The following ASTN2 variants were observed in gnomAD, a reference collection of about 807,000 sequenced individuals.
ASTN2 encodes the protein astrotactin 2.
A neutral mutation model predicts 139.8 loss-of-function variants in ASTN2; 54 were observed. That is an observed-to-expected ratio of 0.39 (90% CI 0.31 to 0.48). The LOEUF (loss-of-function observed/expected upper bound fraction) is 0.48. ASTN2 is among the 20% of genes least tolerant of loss of function. ASTN2 has a pLI of 0.95. For synonymous variants in ASTN2, 756 were observed against 719.5 expected, an observed-to-expected ratio of 1.05 and a Z score of -0.81; for missense variants, 1,565 against 1,725.1, an observed-to-expected ratio of 0.91 and a Z score of 1.64.
intron 10 of ASTN2, among the ~76,000 whole-genome samples, chr9:116,903,807 G>A (rs925116227): frequency 2.0e-5 from 3 of 152,124 alleles, no homozygotes; most frequent in South Asian, 4.1e-4. Flanking sequence ...AAGGAAAGAG[G>A]TCCAAAAAGG....
At chr9:116,441,860 T>C (rs1193590505) in intron 21 of ASTN2, among the ~76,000 whole-genome samples, 1 of 152,260 alleles carries the variant, frequency 6.6e-6, no homozygotes, top group Non-Finnish European at 1.5e-5. Context: ...TGACTGATTA[T>C]ATTTTTTCAG....
At chr9:116,762,187 ATTACT>A (rs1829689004) in intron 13 of ASTN2, among the ~76,000 whole-genome samples, 1 of 152,232 alleles carries the variant, frequency 6.6e-6, no homozygotes, top group African/African-American at 2.4e-5. Flanking sequence ...GGCTCTAATC[ATTACT>A]TTACTCTTTC....
At chr9:117,380,235 G>A (rs1353029985) in intron 1 of ASTN2, among the ~76,000 whole-genome samples, 3 of 152,176 alleles carry the variant, frequency 2.0e-5, no homozygotes, top group South Asian at 2.1e-4. Flanking sequence ...CATAGTAATC[G>A]AGCATCATAA....
At chr9:116,883,384 C>A (rs750706599) in intron 10 of ASTN2, among the ~76,000 whole-genome samples, 1 of 152,138 alleles carries the variant, frequency 6.6e-6, no homozygotes, top group Non-Finnish European at 1.5e-5. Context: ...GTGGAGACAG[C>A]AGTGAGACTA....
At chr9:116,427,149 G>T (rs1186540463) in intron 22 of ASTN2, among the ~76,000 whole-genome samples, 2 of 152,114 alleles carry the variant, frequency 1.3e-5, no homozygotes, top group Non-Finnish European at 2.9e-5. Context: ...ATTCTGGGCT[G>T]TATATTTTTT....
At chr9:116,875,483 G>A (rs1258413360) in intron 10 of ASTN2, among the ~76,000 whole-genome samples, 1 of 152,162 alleles carries the variant, frequency 6.6e-6, no homozygotes, top group Non-Finnish European at 1.5e-5. Flanking sequence ...AAAAGTGCAA[G>A]GAGAAGCAGC....
At chr9:116,934,932 G>A (rs1835024527) in intron 10 of ASTN2, among the ~76,000 whole-genome samples, 1 of 152,152 alleles carries the variant, frequency 6.6e-6, no homozygotes, top group Admixed American at 6.6e-5. Context: ...AGGTTGTTAC[G>A]TGTGTACATC....
intron 10 of ASTN2, among the ~76,000 whole-genome samples, chr9:116,900,468 T>C (rs1485157192): frequency 6.6e-6 from 1 of 152,154 alleles, no homozygotes; most frequent in Admixed American, 6.5e-5. Flanking sequence ...ATGTAATTTG[T>C]AGAGAGAGAA....
chr9:116,964,569 A>G (rs576544603), intron 10 of ASTN2, among the ~76,000 whole-genome samples: 2 of 152,308 alleles, frequency 1.3e-5, no homozygotes, highest in African/African-American at 4.8e-5. Context: ...AGGACTGTCC[A>G]TGCAATGGCA....
intron 11 of ASTN2, among the ~76,000 whole-genome samples, chr9:116,830,504 A>G (rs1463394206): frequency 2.6e-5 from 4 of 152,122 alleles, no homozygotes; most frequent in African/African-American, 4.8e-5. Flanking sequence ...ATCATTAATT[A>G]CATTAGGTCG....
chr9:116,548,902 G>T (rs1852219513), intron 19 of ASTN2, among the ~76,000 whole-genome samples: 1 of 152,162 alleles, frequency 6.6e-6, no homozygotes, highest in Non-Finnish European at 1.5e-5. Flanking sequence ...GGCAACCAGG[G>T]TCTAGATCCA....
At chr9:117,393,827 T>A (rs1005419194) in intron 1 of ASTN2, among the ~76,000 whole-genome samples, 3 of 151,596 alleles carry the variant, frequency 2.0e-5, no homozygotes, top group African/African-American at 7.3e-5. Flanking sequence ...TAGGGTAGAA[T>A]GGGCAGGCTC....
At chr9:116,560,079 C>T (rs1588001806) in intron 19 of ASTN2, among the ~76,000 whole-genome samples, 1 of 152,168 alleles carries the variant, frequency 6.6e-6, no homozygotes, top group Non-Finnish European at 1.5e-5. Flanking sequence ...TTGTACTATA[C>T]TGCCACAGGC....
At chr9:116,689,506 T>C (rs1188681786) in intron 16 of ASTN2, among the ~76,000 whole-genome samples, 1 of 152,164 alleles carries the variant, frequency 6.6e-6, no homozygotes, top group Non-Finnish European at 1.5e-5. Context: ...ATGAGGAAAC[T>C]AAGGCTTAGG....
intron 17 of ASTN2, 138 bp from the exon 18 acceptor site, chr9:116,620,581 A>G: frequency 1.8e-6 from 2 of 1,094,220 alleles, no homozygotes; most frequent in Non-Finnish European, 1.3e-6. Flanking sequence ...TCTATTCCCT[A>G]AGTTCCTTGC....
chr9:117,030,724 T>C (rs1306978111), intron 6 of ASTN2, among the ~76,000 whole-genome samples: 2 of 151,966 alleles, frequency 1.3e-5, no homozygotes, highest in African/African-American at 4.8e-5. Context: ...TCCATGGTTT[T>C]ATGGATTTAG....
At chr9:116,821,113 G>A (rs2081495391) in intron 11 of ASTN2, among the ~76,000 whole-genome samples, 1 of 152,140 alleles carries the variant, frequency 6.6e-6, no homozygotes, top group South Asian at 2.1e-4. Flanking sequence ...TGATATTGCT[G>A]GGATCATATT....
At chr9:116,519,125 G>C (rs1165538019) in intron 19 of ASTN2, among the ~76,000 whole-genome samples, 1 of 151,726 alleles carries the variant, frequency 6.6e-6, no homozygotes, top group African/African-American at 2.4e-5. Context: ...AAGAAACAAT[G>C]GACTTAAAAA....
At chr9:116,552,555 C>A (rs1340405375) in intron 19 of ASTN2, among the ~76,000 whole-genome samples, 1 of 152,132 alleles carries the variant, frequency 6.6e-6, no homozygotes, top group Non-Finnish European at 1.5e-5. Context: ...TTGAAAACTG[C>A]TGAGCTAGTC....
Sources: gnomAD v4.1 joint callset for allele counts (sites outside exome capture counted in the v4.1 genomes callset) on GRCh38, gnomAD v4.1.1 for gene constraint, MANE v1.5 for transcripts, NCBI Gene and HGNC (gene_info 2026-07-23, HGNC 2026-07-21) for gene names.